Variants in SUDS3 observed in about 807,000 individuals in gnomAD.
SUDS3 encodes the protein sin3 histone deacetylase corepressor complex component SDS3.
SUDS3 carries 23 observed loss-of-function variants against 53.5 expected under a neutral mutation model. The observed-to-expected ratio is 0.43, with a 90% CI of 0.31 to 0.61. The LOEUF is 0.61. Among genes scored for constraint, SUDS3 ranks in the 20% least tolerant of loss-of-function variants. The pLI is 0.10. For missense variants in SUDS3, 291 were observed against 405.9 expected (o/e 0.72, Z 2.43); for synonymous variants, 150 against 148.5 (o/e 1.01, Z -0.08).
chr12:118,408,014 C>T (rs1255940141), intron 10 of SUDS3, among the ~76,000 whole-genome samples: 1 of 151,868 alleles, frequency 6.6e-6, no homozygotes. Context: ...CTGTTCTCTC[C>T]CTCAGCCTCC....
chr12:118,393,420 A>G (rs1231913073), intron 6 of SUDS3, among the ~76,000 whole-genome samples: 1 of 152,118 alleles, frequency 6.6e-6, no homozygotes, highest in Non-Finnish European at 1.5e-5. Flanking sequence ...TCCCACCATG[A>G]CTTAAAGCGT....
chr12:118,390,897 G>A (rs1335874891), intron 5 of SUDS3: 7 of 600,910 alleles, frequency 1.2e-5, no homozygotes, highest in African/African-American at 7.3e-5. Flanking sequence ...ATGTGGAAGC[G>A]AAAAAATATC....
In SUDS3 at chr12:118,416,969, G is replaced by A. The variant is rs2046406226; in HGVS notation, c.*2536G>A. On this transcript the variant is annotated 3_prime_UTR_variant, in exon 12 of 12. Transcript: ENST00000543473. ...TTGATCAAGAACCTGTATATGTGTT[G>A]TGTTAGAGGCATCTGCCTCAAGTCT... The A allele has an allele frequency of 6.6e-6, 1 of 152,214 alleles. No homozygotes were observed. Among genetic ancestry groups the A allele is most frequent in the Non-Finnish European group, 1.5e-5 (1 of 68,052 alleles). The allele number at this position is 152,214 out of a possible 1,614,324, so 9.4% of individuals were successfully genotyped here.
At chr12:118,398,614 C>CTTTT (rs375288763) in intron 6 of SUDS3, among the ~76,000 whole-genome samples, 14 of 113,278 alleles carry the variant, frequency 1.2e-4, no homozygotes, top group South Asian at 3.2e-4. Context: ...ATGCAGAAGC[C>CTTTT]TTTTTTTTTT....
chr12:118,390,611 A>C (rs1243435037), intron 5 of SUDS3, among the ~76,000 whole-genome samples: 2 of 152,224 alleles, frequency 1.3e-5, no homozygotes, highest in South Asian at 4.1e-4. Flanking sequence ...TCACATCCTT[A>C]GCCCACCATA....
chr12:118,397,328 T>C (rs2046225186), intron 6 of SUDS3, among the ~76,000 whole-genome samples: 1 of 152,118 alleles, frequency 6.6e-6, no homozygotes, highest in Non-Finnish European at 1.5e-5. Flanking sequence ...GTCCCAGTCA[T>C]AGGAGATTGA....
rs796100609 is a variant in SUDS3, at chr12:118,416,844, G to A, written c.*2411G>A. The A allele has an allele frequency of 6.6e-5, 10 of 152,268 alleles. No homozygotes were observed. Among genetic ancestry groups the A allele is most frequent in the African/African-American group, 2.4e-4 (10 of 41,550 alleles). 9.4% of individuals were successfully genotyped at this position (152,268 alleles called of 1,614,324 possible). On this transcript the variant is annotated 3_prime_UTR_variant, in exon 12 of 12. Transcript: ENST00000543473. Reference sequence around the variant, plus strand: ...AGCCTGGGTGGCCATTATTCCAAAAGGTCATTGTTTCTCACTAGACCCCAG... The same window carrying A: ...AGCCTGGGTGGCCATTATTCCAAAAAGTCATTGTTTCTCACTAGACCCCAG...
intron 10 of SUDS3, among the ~76,000 whole-genome samples, chr12:118,407,326 A>G (rs942258318): frequency 1.3e-5 from 2 of 152,208 alleles, no homozygotes; most frequent in Non-Finnish European, 2.9e-5. Context: ...ACTGCGGTTC[A>G]GGAGGGACCT....
At chr12:118,394,861 CT>C (rs1210785600) in intron 6 of SUDS3, among the ~76,000 whole-genome samples, 3 of 151,792 alleles carry the variant, frequency 2.0e-5, no homozygotes, top group African/African-American at 7.3e-5. Context: ...CATTTTTGTA[CT>C]TTTTGTAGAG....
At chr12:118,400,575 G>C in intron 6 of SUDS3, 84 bp from the exon 7 acceptor site, 1 of 1,283,976 alleles carries the variant, frequency 7.8e-7, no homozygotes, top group South Asian at 1.2e-5. Context: ...GGGTGGCTGG[G>C]GGGCAGATAT....
intron 1 of SUDS3, among the ~76,000 whole-genome samples, chr12:118,378,163 A>C (rs962331397): frequency 6.6e-6 from 1 of 152,180 alleles, no homozygotes; most frequent in Admixed American, 6.5e-5. Flanking sequence ...CACCCCAGCC[A>C]TTAGCTTGTT....
intron 10 of SUDS3, 92 bp downstream of exon 10, chr12:118,403,609 T>C: frequency 9.9e-7 from 1 of 1,006,618 alleles, no homozygotes; most frequent in Non-Finnish European, 1.5e-6. Flanking sequence ...AGATCACGGC[T>C]GCTGCTAAAC....
intron 3 of SUDS3, among the ~76,000 whole-genome samples, chr12:118,385,030 C>T (rs2046101766): frequency 6.6e-6 from 1 of 152,132 alleles, no homozygotes; most frequent in Admixed American, 6.5e-5. Context: ...ACTGCAAGGT[C>T]CTGGGGACAG....
chr12:118,386,875 A>C (rs1016726930), intron 4 of SUDS3, among the ~76,000 whole-genome samples: 2 of 152,218 alleles, frequency 1.3e-5, no homozygotes, highest in Non-Finnish European at 2.9e-5. Flanking sequence ...GTGTGTAAAC[A>C]TGGATTCCTG....
intron 10 of SUDS3, among the ~76,000 whole-genome samples, chr12:118,408,006 G>C (rs2046323284): frequency 6.6e-6 from 1 of 151,314 alleles, no homozygotes; most frequent in South Asian, 2.1e-4. Flanking sequence ...AGTTCAAGCT[G>C]TTCTCTCCCT....
chr12:118,404,732 C>T (rs1429541982), intron 10 of SUDS3, among the ~76,000 whole-genome samples: 2 of 152,118 alleles, frequency 1.3e-5, no homozygotes, highest in East Asian at 1.9e-4. Context: ...TTCTGGGTTA[C>T]TGTAAGGTGT....
chr12:118,412,428 C>G (rs748626842), intron 11 of SUDS3, among the ~76,000 whole-genome samples: 18 of 152,148 alleles, frequency 1.2e-4, no homozygotes, highest in Non-Finnish European at 2.4e-4. Flanking sequence ...ATTGAAAATG[C>G]CCTGAAATGT....
Position 118,376,825 on chromosome 12 carries a change from C to T in SUDS3, c.134C>T (p.Ser45Leu). The T allele has an allele frequency of 6.6e-7, 1 of 1,519,030 alleles. No homozygotes were observed. Among genetic ancestry groups the T allele is most frequent in the Non-Finnish European group, 8.8e-7 (1 of 1,137,318 alleles). The allele number at this position is 1,519,030 out of a possible 1,614,324, so 94.1% of individuals were successfully genotyped here. A position where few individuals can be genotyped will look rare whatever the true frequency, so the allele number is the denominator to read the frequency against. The change falls in exon 1 of 12, where the codon TCG becomes TTG. Residue 45 changes from serine (S) to leucine (L), a missense_variant. By Grantham distance (145) the Ser-to-Leu change is moderately radical. Around this residue, in one of 4 missense-constraint regions of SUDS3, gnomAD observed 149 missense variants for 146.5 expected, o/e 1.02. Coordinates refer to ENST00000543473, the MANE Select transcript of SUDS3 (RefSeq NM_022491.3). ...DDERSCRGRE[S>L]DEDTEDASET... is the part of the protein sequence containing the mutation. ...GAGCGCAGCTGTCGGGGCCGCGAGTCGGACGAAGGTGAGTCCTGCCGCTCG... is the reference window on the plus strand; with the variant it reads ...GAGCGCAGCTGTCGGGGCCGCGAGTTGGACGAAGGTGAGTCCTGCCGCTCG...
chr12:118,411,262 A>G, intron 11 of SUDS3, 105 bp downstream of exon 11: 1 of 972,366 alleles, frequency 1.0e-6, no homozygotes, highest in African/African-American at 1.6e-5. Context: ...ACAGTGGAGT[A>G]CTGTCTTCTA....
Sources: gnomAD v4.1 joint callset for allele counts (sites outside exome capture counted in the v4.1 genomes callset) on GRCh38, gnomAD v4.1.1 for gene constraint, gnomAD v4.1.1 regional missense constraint, MANE v1.5 for transcripts, NCBI Gene and HGNC (gene_info 2026-07-23, HGNC 2026-07-21) for gene names.